FAM8A1: variants seen among roughly 807,000 people sequenced by gnomAD.
FAM8A1 encodes the protein family with sequence similarity 8 member A1, also known as protein FAM8A1.
A neutral mutation model predicts 38.3 loss-of-function variants in FAM8A1; 18 were observed. That is an observed-to-expected ratio of 0.47 (90% CI 0.33 to 0.70). The LOEUF is 0.70. Among genes scored for constraint, FAM8A1 ranks in the 30% least tolerant of loss-of-function variants. The probability of loss-of-function intolerance (pLI) is 0.03; values close to 1 mark genes in which losing one functional copy is unlikely to be tolerated. For missense variants in FAM8A1, 559 were observed against 559.6 expected (o/e 1.00, Z 0.01); for synonymous variants, 246 against 234.4 (o/e 1.05, Z -0.45).
At chr6:17,601,174 G>C in intron 1 of FAM8A1, 53 bp downstream of exon 1, 1 of 1,539,238 alleles carries the variant, frequency 6.5e-7, no homozygotes, top group Non-Finnish European at 8.7e-7. Context: ...TCGGGGGCCT[G>C]TGGGGTAGAG....
intron 4 of FAM8A1, among the ~76,000 whole-genome samples, chr6:17,607,748 T>G (rs1290691683): frequency 6.6e-6 from 1 of 152,194 alleles, no homozygotes; most frequent in African/African-American, 2.4e-5. Context: ...AAAGCTTTGC[T>G]TAATCACTGG....
At chr6:17,601,292 C>T (rs1420678789) in intron 1 of FAM8A1, among the ~76,000 whole-genome samples, 171 bp downstream of exon 1, 4 of 152,210 alleles carry the variant, frequency 2.6e-5, no homozygotes, top group African/African-American at 9.7e-5. Context: ...CCAAAATGTA[C>T]AAGGAGGCAA....
rs766562774 is a variant in FAM8A1, at chr6:17,600,868, G to C, written c.459G>C (p.Ser153=). 1.9e-6 allele frequency: 3 copies of C among 1,607,046 alleles called. No homozygotes were observed. The highest frequency in any genetic ancestry group is 1.3e-5 in the African/African-American group (1 of 74,812). The change falls in exon 1 of 5, where the codon TCG becomes TCC. Residue 153 remains serine (S), a synonymous_variant. Coordinates refer to ENST00000259963, the MANE Select transcript of FAM8A1 (RefSeq NM_016255.3). ...SPQPSPQSFP[S]GGAAVPQAAA... ...AGCCCTCCCCGCAGAGCTTCCCTTCGGGCGGCGCTGCAGTCCCCCAGGCCG... is the reference window on the plus strand; with the variant it reads ...AGCCCTCCCCGCAGAGCTTCCCTTCCGGCGGCGCTGCAGTCCCCCAGGCCG...
In FAM8A1 at chr6:17,600,419, G is replaced by C; in HGVS notation, c.10G>C (p.Gly4Arg). Residue 4 changes from glycine to arginine, a missense_variant, in exon 1 of 5, where the codon GGG becomes CGG. Around this residue, in one of 2 missense-constraint regions of FAM8A1, gnomAD observed 393 missense variants for 338.9 expected, o/e 1.16. Transcript: ENST00000259963. ...TGCTGCTGAGGCGACGATGGCCGAG[G>C]GGCCCGAGGAAGCCCGAGGCCACCC... MAE[G>R]PEEARGHPPG... 1 of 1,424,208 alleles carries C rather than the reference G, an allele frequency of 7.0e-7. No individual in the cohort carries two copies. The allele number at this position is 1,424,208 out of a possible 1,614,324, so 88.2% of individuals were successfully genotyped here.
Position 17,601,082 on chromosome 6 carries a change from G to A in FAM8A1, c.673G>A (p.Ala225Thr). ...ATPVTRVGSAAPSRSPSETGR... is the reference protein window; with the variant it reads ...ATPVTRVGSATPSRSPSETGR... ...TCCAGTGACGAGGGTAGGATCCGCA[G>A]CCCCTTCGCGAAGCCCGAGCGAGAC... is the stretch of plus-strand genomic sequence containing the variant. The change falls in exon 1 of 5, where the codon GCC becomes ACC. Residue 225 changes from alanine (A) to threonine (T), a missense_variant. Physicochemically the swap from Ala to Thr is moderately conservative, Grantham distance 58. Coordinates refer to ENST00000259963, the MANE Select transcript of FAM8A1 (RefSeq NM_016255.3). 1.3e-6 allele frequency: 2 copies of A among 1,598,902 alleles called. No individual in the cohort carries two copies. Among genetic ancestry groups the A allele is most frequent in the Non-Finnish European group, 8.5e-7 (1 of 1,175,334 alleles).
intron 4 of FAM8A1, among the ~76,000 whole-genome samples, chr6:17,606,960 C>T (rs1764059909): frequency 6.6e-6 from 1 of 152,088 alleles, no homozygotes; most frequent in African/African-American, 2.4e-5. Flanking sequence ...TCAAATTTTT[C>T]TTAAAATTTG....
In FAM8A1 at chr6:17,601,126, G is replaced by A; in HGVS notation, c.712+5G>A. 8 of 1,584,232 alleles carry A rather than the reference G, an allele frequency of 5.0e-6. No homozygotes were observed. Among genetic ancestry groups the A allele is most frequent in the Non-Finnish European group, 6.0e-6 (7 of 1,167,928 alleles). On this transcript the variant is annotated splice_donor_5th_base_variant and intron_variant, in intron 1 of 4. Coordinates refer to ENST00000259963, the MANE Select transcript of FAM8A1 (RefSeq NM_016255.3). ...GCGAGACCGGGCGACAGGCAGGTGA[G>A]AAGCGCGAGGTGGAGGCTGGGCGGA... is the stretch of plus-strand genomic sequence containing the variant.
In FAM8A1 at chr6:17,609,239, AAAGT is replaced by A. The variant is rs1764101427; in HGVS notation, c.*902_*905del. 1.3e-5 allele frequency: 2 copies of A among 152,168 alleles called. No homozygotes were observed. The highest frequency in any genetic ancestry group is 6.5e-5 in the Admixed American group (1 of 15,272). The allele number at this position is 152,168 out of a possible 1,614,324, so 9.4% of individuals were successfully genotyped here. ...TTCCCAGTATGTGTGCAGCATGAAG[AAAGT>A]ATTAGTGCTTCTCAGTGTTCTCAGT... On this transcript the variant is annotated 3_prime_UTR_variant, in exon 5 of 5. Coordinates refer to ENST00000259963, the MANE Select transcript of FAM8A1 (RefSeq NM_016255.3).
intron 2 of FAM8A1, among the ~76,000 whole-genome samples, chr6:17,604,562 G>T (rs564900678): frequency 6.6e-6 from 1 of 152,232 alleles, no homozygotes; most frequent in Admixed American, 6.5e-5. Context: ...TCTGGTGTAT[G>T]TTTCCATAGT....
rs757899263 is a variant in FAM8A1, at chr6:17,601,001, C to T, written c.592C>T (p.Pro198Ser). 3.8e-6 allele frequency: 6 copies of T among 1,588,990 alleles called. No homozygotes were observed. The African/African-American group carries it at 5.4e-5, about 14-fold the overall frequency. The change falls in exon 1 of 5, where the codon CCA becomes TCA. Residue 198 changes from proline to serine, a missense_variant. Pro to Ser is a moderately conservative substitution (Grantham distance 74). Coordinates refer to ENST00000259963, the MANE Select transcript of FAM8A1 (RefSeq NM_016255.3). Reference protein sequence around the residue: ...RTAAGISTPAPVAGLGPRAPH... With the variant: ...RTAAGISTPASVAGLGPRAPH... ...AGCTGCCGGCATCAGCACCCCTGCT[C>T]CAGTCGCGGGCCTGGGACCCCGGGC...
chr6:17,600,587 G>A lies in FAM8A1; in HGVS notation c.178G>A (p.Ala60Thr). Reference protein sequence around the residue: ...PGRPTAPGLAAAAAADKLEPP... With the variant: ...PGRPTAPGLATAAAADKLEPP... ...CCGGCCCACAGCCCCGGGCCTCGCG[G>A]CTGCCGCCGCAGCCGACAAATTGGA... The change falls in exon 1 of 5, where the codon GCT (alanine) becomes ACT (threonine). Residue 60 changes from alanine to threonine, a missense_variant. Ala to Thr is a moderately conservative substitution (Grantham distance 58). Transcript: ENST00000259963. 1 of 1,489,984 alleles carries A rather than the reference G, an allele frequency of 6.7e-7. No homozygotes were observed. Among genetic ancestry groups the A allele is most frequent in the Non-Finnish European group, 8.9e-7 (1 of 1,124,982 alleles). 92.3% of individuals were successfully genotyped at this position (1,489,984 alleles called of 1,614,324 possible). A position where few individuals can be genotyped will look rare whatever the true frequency, so the allele number is the denominator to read the frequency against.
At chr6:17,604,436 T>C (rs1178680425) in intron 2 of FAM8A1, among the ~76,000 whole-genome samples, 1 of 152,206 alleles carries the variant, frequency 6.6e-6, no homozygotes, top group East Asian at 1.9e-4. Flanking sequence ...CATTCTCTCC[T>C]GCTGTTCCCT....
At position 17,601,107 on chromosome 6, in the gene FAM8A1, C is replaced by T; in HGVS notation, c.698C>T (p.Thr233Ile). 6.3e-7 allele frequency: 1 copy of T among 1,594,096 alleles called. No homozygotes were observed. The highest frequency in any genetic ancestry group is 8.5e-7 in the Non-Finnish European group (1 of 1,173,012). ...SAAPSRSPSETGRQAGREYVI... is the reference protein window; with the variant it reads ...SAAPSRSPSEIGRQAGREYVI... Reference sequence around the variant, plus strand: ...GCCCCTTCGCGAAGCCCGAGCGAGACCGGGCGACAGGCAGGTGAGAAGCGC... The same window carrying T: ...GCCCCTTCGCGAAGCCCGAGCGAGATCGGGCGACAGGCAGGTGAGAAGCGC... The change falls in exon 1 of 5, where the codon ACC becomes ATC. Residue 233 changes from threonine (T) to isoleucine (I), a missense_variant. Coordinates refer to ENST00000259963, the MANE Select transcript of FAM8A1 (RefSeq NM_016255.3).
At chr6:17,602,561 C>T in intron 1 of FAM8A1, 29 bp from the exon 2 acceptor site, 2 of 1,436,190 alleles carry the variant, frequency 1.4e-6, no homozygotes, top group Non-Finnish European at 1.8e-6. Context: ...ATTCGTTTTT[C>T]CTAACTTTTT....
At position 17,610,460 on chromosome 6, in the gene FAM8A1, T is replaced by G. The variant is rs1459782832; in HGVS notation, c.*2121T>G. On this transcript the variant is annotated 3_prime_UTR_variant, in exon 5 of 5. Coordinates refer to ENST00000259963, the MANE Select transcript of FAM8A1 (RefSeq NM_016255.3). The stretch of plus-strand genomic sequence containing the variant: ...CCTACAAAATACATAGAAGTATTAT[T>G]TGCCTTCATAATAGAACCCAAGAGT... The G allele has an allele frequency of 6.6e-6, 1 of 152,150 alleles. No individual in the cohort carries two copies. The highest frequency in any genetic ancestry group is 6.5e-5 in the Admixed American group (1 of 15,278). 9.4% of individuals were successfully genotyped at this position (152,150 alleles called of 1,614,324 possible).
chr6:17,610,127 G>A lies in FAM8A1; in HGVS notation c.*1788G>A, dbSNP rs1764118607. ...AAAATTAGGAGATGTTACGTAACTTGGCACTTTAGTAGTGTATACACTAGC... is the reference window on the plus strand; with the variant it reads ...AAAATTAGGAGATGTTACGTAACTTAGCACTTTAGTAGTGTATACACTAGC... On this transcript the variant is annotated 3_prime_UTR_variant, in exon 5 of 5. Coordinates refer to ENST00000259963, the MANE Select transcript of FAM8A1 (RefSeq NM_016255.3). 6.6e-6 allele frequency: 1 copy of A among 151,994 alleles called. No homozygotes were observed. Among genetic ancestry groups the A allele is most frequent in the Non-Finnish European group, 1.5e-5 (1 of 67,970 alleles). 9.4% of individuals were successfully genotyped at this position (151,994 alleles called of 1,614,324 possible).
chr6:17,608,579 A>C lies in FAM8A1; in HGVS notation c.*240A>C. 1 of 355,962 alleles carries C rather than the reference A, an allele frequency of 2.8e-6. No homozygotes were observed. The highest frequency in any genetic ancestry group is 5.0e-6 in the Non-Finnish European group (1 of 200,594). The allele number at this position is 355,962 out of a possible 1,614,324, so 22.1% of individuals were successfully genotyped here. ...AAAAAGGCAAATGATTTTATAAACA[A>C]TGGACAATATATACTTTCTTAAGAT... On this transcript the variant is annotated 3_prime_UTR_variant, in exon 5 of 5. Transcript: ENST00000259963.
intron 3 of FAM8A1, among the ~76,000 whole-genome samples, chr6:17,605,262 G>A (rs1056613648): frequency 6.6e-6 from 1 of 152,040 alleles, no homozygotes; most frequent in East Asian, 1.9e-4. Flanking sequence ...TGTATTTTTA[G>A]TAGAGACAGG....
Position 17,610,568 on chromosome 6 carries a change from G to T in FAM8A1, c.*2229G>T, listed in dbSNP as rs533880389. 1 of 152,196 alleles carries T rather than the reference G, an allele frequency of 6.6e-6. No individual in the cohort carries two copies. Among genetic ancestry groups the T allele is most frequent in the Admixed American group, 6.6e-5 (1 of 15,266 alleles). The allele number at this position is 152,196 out of a possible 1,614,324, so 9.4% of individuals were successfully genotyped here. ...AAAAAATGACAAAACAACGAGGGAA[G>T]AAGGAACCAGACCTTAGTGCCACAT... On this transcript the variant is annotated 3_prime_UTR_variant, in exon 5 of 5. Coordinates refer to ENST00000259963, the MANE Select transcript of FAM8A1 (RefSeq NM_016255.3).
Sources: allele counts gnomAD v4.1 joint callset (sites outside exome capture counted in the v4.1 genomes callset), GRCh38; gene constraint gnomAD v4.1.1; regional missense constraint gnomAD v4.1.1; transcripts MANE v1.5; gene names NCBI Gene and HGNC (gene_info 2026-07-23, HGNC 2026-07-21).